Variants in DHX35 observed in about 807,000 individuals in gnomAD.
DHX35 encodes DEAH-box helicase 35, also known as probable ATP-dependent RNA helicase DHX35.
A neutral mutation model predicts 99.6 loss-of-function variants in DHX35; 84 were observed. The ratio of observed to expected loss-of-function variants is 0.84; its 90% confidence interval spans 0.71 to 1.01. The LOEUF is 1.01. Among genes scored for constraint, DHX35 ranks in the 50% least tolerant of loss-of-function variants. The pLI is 0.00. For missense variants in DHX35, 852 were observed against 888.5 expected (o/e 0.96, Z 0.52); for synonymous variants, 331 against 316.2 (o/e 1.05, Z -0.50).
intron 4 of DHX35, 95 bp from the exon 5 acceptor site, chr20:38,988,718 A>G: frequency 1.3e-6 from 2 of 1,542,550 alleles, no homozygotes; most frequent in Non-Finnish European, 1.8e-6. Context: ...TTCACATACT[A>G]TTTAAAATAT....
In DHX35 at chr20:39,028,619, C is replaced by T. The variant is rs906803357; in HGVS notation, c.1883+120C>T. ...ATTATTTGTAATTTCTACCATGTCT[C>T]CTTCCAAAACTGAGTTGAGGTTAGC... On this transcript the variant is annotated intron_variant, in intron 19 of 21. Coordinates refer to ENST00000252011, the MANE Select transcript of DHX35 (RefSeq NM_021931.4). 41 of 1,127,608 alleles carry T rather than the reference C, an allele frequency of 3.6e-5. 1 individual carries two copies. Among genetic ancestry groups the T allele is most frequent in the South Asian group, 2.9e-5 (2 of 69,284 alleles). The allele number at this position is 1,127,608 out of a possible 1,614,324, so 69.9% of individuals were successfully genotyped here. A position where few individuals can be genotyped will look rare whatever the true frequency, so the allele number is the denominator to read the frequency against.
intron 1 of DHX35, 96 bp downstream of exon 1, chr20:38,962,503 GC>G (rs900155893): frequency 6.8e-7 from 1 of 1,470,778 alleles, no homozygotes; most frequent in African/African-American, 1.4e-5. Context: ...CTGCTCGCAG[GC>G]CTGACCTCGG....
chr20:38,974,338 A>C (rs879808857), intron 3 of DHX35, among the ~76,000 whole-genome samples: 2 of 152,162 alleles, frequency 1.3e-5, no homozygotes, highest in Admixed American at 6.5e-5. Context: ...AGAACAATTT[A>C]CAATTTTAGC....
intron 1 of DHX35, among the ~76,000 whole-genome samples, chr20:38,965,212 T>C (rs1323321799): frequency 2.0e-5 from 3 of 152,272 alleles, no homozygotes; most frequent in Non-Finnish European, 4.4e-5. Flanking sequence ...TACACAGTTA[T>C]TGGGCCGTTG....
intron 20 of DHX35, among the ~76,000 whole-genome samples, chr20:39,031,008 C>A (rs184085772): frequency 6.6e-6 from 1 of 152,086 alleles, no homozygotes; most frequent in African/African-American, 2.4e-5. Context: ...ACTAAAAATA[C>A]AAAAATTAGC....
At chr20:38,996,673 C>T (rs1457609105) in intron 8 of DHX35, among the ~76,000 whole-genome samples, 1 of 152,154 alleles carries the variant, frequency 6.6e-6, no homozygotes, top group Non-Finnish European at 1.5e-5. Flanking sequence ...TTCTGGGATA[C>T]AGAACAACTT....
At chr20:39,001,678 C>T (rs2086521799) in intron 8 of DHX35, 52 bp from the exon 9 acceptor site, 1 of 1,438,088 alleles carries the variant, frequency 7.0e-7, no homozygotes, top group Non-Finnish European at 9.6e-7. Context: ...CCATGAATCG[C>T]TACGAACCTT....
At chr20:38,989,373 A>G (rs1459553687) in intron 5 of DHX35, among the ~76,000 whole-genome samples, 2 of 146,668 alleles carry the variant, frequency 1.4e-5, no homozygotes, top group African/African-American at 5.1e-5. Context: ...TCAGCCTCCC[A>G]AAGTGCTGGG....
At chr20:38,965,720 G>A (rs1427309606) in intron 1 of DHX35, among the ~76,000 whole-genome samples, 1 of 152,044 alleles carries the variant, frequency 6.6e-6, no homozygotes, top group African/African-American at 2.4e-5. Flanking sequence ...GCATGTCTGG[G>A]TACCTTAAGA....
chr20:39,008,292 AT>A (rs2086650433), intron 12 of DHX35, among the ~76,000 whole-genome samples: 1 of 152,194 alleles, frequency 6.6e-6, no homozygotes, highest in African/African-American at 2.4e-5. Flanking sequence ...AGTTGTGGAC[AT>A]TTGGGCTGTT....
chr20:39,028,385 T>C, intron 18 of DHX35, 33 bp from the exon 19 acceptor site: 1 of 1,611,050 alleles, frequency 6.2e-7, no homozygotes. Flanking sequence ...CAGGCAAGGG[T>C]TTCACCCGCC....
intron 8 of DHX35, among the ~76,000 whole-genome samples, chr20:38,998,666 T>A (rs2086468928): frequency 6.6e-6 from 1 of 152,278 alleles, no homozygotes; most frequent in South Asian, 2.1e-4. Flanking sequence ...TTCTTGTTCC[T>A]TGATTCTGCC....
At chr20:39,036,684 C>T (rs1432126754) in intron 21 of DHX35, among the ~76,000 whole-genome samples, 1 of 145,134 alleles carries the variant, frequency 6.9e-6, no homozygotes, top group Non-Finnish European at 1.5e-5. Context: ...CGAGATCACA[C>T]CACTGCACTC....
At chr20:39,035,549 C>T (rs2087136840) in intron 21 of DHX35, among the ~76,000 whole-genome samples, 1 of 152,208 alleles carries the variant, frequency 6.6e-6, no homozygotes, top group African/African-American at 2.4e-5. Context: ...TTGATTGCCA[C>T]ATTGAAAAAT....
At chr20:38,978,150 G>T in intron 3 of DHX35, 1 of 845,654 alleles carries the variant, frequency 1.2e-6, no homozygotes. Context: ...TTATTTCAAA[G>T]CCCCTAAGGG....
intron 14 of DHX35, among the ~76,000 whole-genome samples, chr20:39,015,923 G>T (rs1014535668): frequency 6.6e-6 from 1 of 152,124 alleles, no homozygotes; most frequent in Non-Finnish European, 1.5e-5. Context: ...ATCTCTATAG[G>T]TGTGCCTTTT....
In DHX35 at chr20:38,992,368, G is replaced by T. The variant is rs1376862327; in HGVS notation, c.525G>T (p.Leu175=). The change falls in exon 7 of 22, where the codon CTG becomes CTT. Residue 175 remains leucine (L), a synonymous_variant. Transcript: ENST00000252011. ...PLLTKYSVIM[L]DEAHERTLYT... ...CTTTGATTCTTAGTGTCATCATGCT[G>T]GATGAAGCCCACGAGAGGACCTTGT... 5 of 1,613,898 alleles carry T rather than the reference G, an allele frequency of 3.1e-6. No homozygotes were observed. The highest frequency in any genetic ancestry group is 1.6e-4 in the Middle Eastern group (1 of 6,084).
chr20:38,992,864 AAT>A (rs1468019308), intron 7 of DHX35, among the ~76,000 whole-genome samples: 1 of 152,204 alleles, frequency 6.6e-6, no homozygotes, highest in Non-Finnish European at 1.5e-5. Context: ...AAATATTATA[AAT>A]ACTGTTGTAG....
At chr20:38,989,848 C>G (rs951541095) in intron 5 of DHX35, among the ~76,000 whole-genome samples, 1 of 152,046 alleles carries the variant, frequency 6.6e-6, no homozygotes, top group African/African-American at 2.4e-5. Context: ...TACCTACCAC[C>G]GTGCTAGAAT....
Sources: allele counts gnomAD v4.1 joint callset (sites outside exome capture counted in the v4.1 genomes callset), GRCh38; gene constraint gnomAD v4.1.1; transcripts MANE v1.5; gene names NCBI Gene and HGNC (gene_info 2026-07-23, HGNC 2026-07-21).